The following DPYS variants were observed in gnomAD, a reference collection of about 807,000 sequenced individuals.
DPYS encodes the protein dihydropyrimidine amidohydrolase.
In DPYS, 39 loss-of-function variants were observed where a neutral mutation model predicts 50.3. The observed-to-expected ratio is 0.78, with a 90% CI of 0.60 to 1.01. The LOEUF is 1.01. Among genes scored for constraint, DPYS ranks in the 50% least tolerant of loss-of-function variants. The pLI, the probability that DPYS is intolerant of heterozygous loss-of-function variation, is 0.00. For missense variants in DPYS, 659 were observed against 680.9 expected (o/e 0.97, Z 0.36); for synonymous variants, 245 against 250.7 (o/e 0.98, Z 0.22).
rs766320421 is a variant in DPYS, at chr8:104,444,389, C to T, written c.652G>A (p.Glu218Lys). The stretch of plus-strand genomic sequence containing the variant: ...TCCACTGCCTCTGGGCGGCACAGCT[C>T]GTGGCCCTCAGGGCCTGTTATCCCC... Reference protein sequence around the residue: ...ALGITGPEGHELCRPEAVEAE... With the variant: ...ALGITGPEGHKLCRPEAVEAE... Residue 218 changes from glutamate (E) to lysine (K), a missense_variant, in exon 4 of 10, where the codon GAG becomes AAG. Transcript: ENST00000351513. The T allele has an allele frequency of 1.3e-5, 21 of 1,614,224 alleles. No individual in the cohort carries two copies. The highest frequency in any genetic ancestry group is 2.2e-5 in the East Asian group (1 of 44,886).
intron 7 of DPYS, among the ~76,000 whole-genome samples, chr8:104,395,673 C>A (rs918523019): frequency 6.6e-6 from 1 of 152,168 alleles, no homozygotes; most frequent in Admixed American, 6.5e-5. Context: ...TATGGACATA[C>A]CGCAGTGCTA....
chr8:104,419,020 A>G, intron 7 of DPYS: 1 of 985,466 alleles, frequency 1.0e-6, no homozygotes, highest in Non-Finnish European at 1.2e-6. Context: ...TCATCTCTCT[A>G]AGAGCTCTGC....
chr8:104,420,995 A>G (rs1303804760), intron 7 of DPYS: 1 of 152,200 alleles, frequency 6.6e-6, no homozygotes, highest in South Asian at 2.1e-4. Context: ...AAACTTTATG[A>G]GGTAGGCATA....
At chr8:104,445,301 A>C (rs1425501558) in intron 3 of DPYS, among the ~76,000 whole-genome samples, 1 of 152,224 alleles carries the variant, frequency 6.6e-6, no homozygotes, top group African/African-American at 2.4e-5. Context: ...TATATCAAAG[A>C]GATATACCTG....
In DPYS at chr8:104,427,985, C is replaced by T; in HGVS notation, c.1087G>A (p.Gly363Ser). 1 of 1,614,158 alleles carries T rather than the reference C, an allele frequency of 6.2e-7. No homozygotes were observed. The highest frequency in any genetic ancestry group is 8.5e-7 in the Non-Finnish European group (1 of 1,180,028). ...CTGGAACCTGTGAAACCCACCACGC[C>T]TTTTTCCCATATTACGGACATCCGA... Reference protein sequence around the residue: ...EDRMSVIWEKGVHSGKMDENR... With the variant: ...EDRMSVIWEKSVHSGKMDENR... The change falls in exon 6 of 10, where the codon GGC becomes AGC. Residue 363 changes from glycine (G) to serine (S), a missense_variant. Transcript: ENST00000351513.
At chr8:104,420,823 C>A (rs1812516855) in intron 7 of DPYS, 1 of 151,672 alleles carries the variant, frequency 6.6e-6, no homozygotes. Flanking sequence ...TCACCACAGG[C>A]AAAATAGCTA....
chr8:104,466,610 C>G, intron 1 of DPYS, 47 bp downstream of exon 1: 1 of 1,481,598 alleles, frequency 6.7e-7, no homozygotes, highest in South Asian at 1.3e-5. Context: ...GGAGGCTGCC[C>G]GAGCCTCCGT....
chr8:104,399,290 C>CAAAAAAACAAAAAAAAAAAAAA (rs1811700399), intron 7 of DPYS, among the ~76,000 whole-genome samples: 1 of 74,924 alleles, frequency 1.3e-5, no homozygotes, highest in Non-Finnish European at 2.3e-5. Context: ...GACTCCATCT[C>CAAAAAAACAAAAAAAAAAAAAA]AAAAAAAAAA....
intron 4 of DPYS, among the ~76,000 whole-genome samples, chr8:104,435,034 G>A (rs559444022): frequency 1.3e-5 from 2 of 152,256 alleles, no homozygotes; most frequent in South Asian, 2.1e-4. Flanking sequence ...ATCACAGAAA[G>A]GTAGTGAATT....
chr8:104,439,904 G>A (rs1813286568), intron 4 of DPYS, among the ~76,000 whole-genome samples: 1 of 152,048 alleles, frequency 6.6e-6, no homozygotes, highest in Admixed American at 6.6e-5. Flanking sequence ...TGGGCTTTGG[G>A]GTCACATAGA....
intron 7 of DPYS, among the ~76,000 whole-genome samples, chr8:104,412,433 CGT>C (rs1465591396): frequency 9.9e-5 from 15 of 152,100 alleles, no homozygotes; most frequent in Non-Finnish European, 1.3e-4. Context: ...TGTCTATGTG[CGT>C]GTGTCTTGGG....
At chr8:104,394,781 C>G (rs1179323292) in intron 7 of DPYS, among the ~76,000 whole-genome samples, 1 of 148,684 alleles carries the variant, frequency 6.7e-6, no homozygotes, top group African/African-American at 2.5e-5. Context: ...ATAAACTGCT[C>G]TCAGTGAGAA....
chr8:104,424,448 T>C, intron 6 of DPYS, 59 bp from the exon 7 acceptor site: 1 of 1,565,860 alleles, frequency 6.4e-7, no homozygotes, highest in Non-Finnish European at 8.7e-7. Context: ...ATCCTATCGA[T>C]AAAATGACAA....
intron 1 of DPYS, among the ~76,000 whole-genome samples, chr8:104,451,857 C>T (rs951847069): frequency 2.0e-5 from 3 of 152,182 alleles, no homozygotes; most frequent in Non-Finnish European, 4.4e-5. Context: ...GGTCTTGCCT[C>T]CATTCCCAGA....
intron 1 of DPYS, among the ~76,000 whole-genome samples, chr8:104,457,810 C>G (rs1340133945): frequency 1.7e-4 from 26 of 152,148 alleles, no homozygotes; most frequent in Admixed American, 1.7e-3. Flanking sequence ...TTCTTGCCTC[C>G]CTAAGTTTGG....
intron 7 of DPYS, among the ~76,000 whole-genome samples, chr8:104,400,983 T>C (rs1442274147): frequency 1.3e-5 from 2 of 152,190 alleles, no homozygotes; most frequent in African/African-American, 2.4e-5. Context: ...ACACCACCCA[T>C]ATGCATTCAG....
chr8:104,422,801 T>C (rs1270602128), intron 7 of DPYS, among the ~76,000 whole-genome samples: 1 of 152,220 alleles, frequency 6.6e-6, no homozygotes. Context: ...CCTAAATTGT[T>C]TGAATTACAG....
At chr8:104,394,148 TA>T (rs1811498453) in intron 7 of DPYS, among the ~76,000 whole-genome samples, 1 of 152,184 alleles carries the variant, frequency 6.6e-6, no homozygotes, top group Non-Finnish European at 1.5e-5. Flanking sequence ...AGGAATGGAT[TA>T]AAGAGATAAA....
At chr8:104,382,946 C>T (rs893157862) in intron 8 of DPYS, among the ~76,000 whole-genome samples, 1 of 152,220 alleles carries the variant, frequency 6.6e-6, no homozygotes, top group Admixed American at 6.5e-5. Flanking sequence ...CCTCTTCCTA[C>T]ACCACTTCCT....
Sources: allele counts gnomAD v4.1 joint callset (sites outside exome capture counted in the v4.1 genomes callset), GRCh38; gene constraint gnomAD v4.1.1; transcripts MANE v1.5; gene names NCBI Gene and HGNC (gene_info 2026-07-23, HGNC 2026-07-21).